MYO9A: variants seen among roughly 807,000 people sequenced by gnomAD.
MYO9A encodes the protein myosin IXA.
In MYO9A, 103 loss-of-function variants were observed where a neutral mutation model predicts 293.3. The ratio of observed to expected loss-of-function variants is 0.35; its 90% CI spans 0.30 to 0.41. The LOEUF (loss-of-function observed/expected upper bound fraction) is 0.41, where lower values mean the gene tolerates loss of function less well. MYO9A is among the 10% of genes least tolerant of loss of function. MYO9A has a pLI of 1.00. For missense variants in MYO9A, 2,685 were observed against 3,033.0 expected (o/e 0.89, Z 2.69); for synonymous variants, 1,001 against 1,035.7 (o/e 0.97, Z 0.64).
Position 72,094,947 on chromosome 15 carries a change from G to C in MYO9A, c.-72+22733C>G, listed in dbSNP as rs1226304959. Among the ~76,000 whole-genome samples the C allele has an allele frequency of 5.5e-5, 5 of 91,544 alleles. 1 individual carries two copies. Among genetic ancestry groups the C allele is most frequent in the African/African-American group, 1.3e-4 (5 of 38,826 alleles). The allele number at this position is 91,544 out of a possible 152,430, so 60.1% of individuals were successfully genotyped here. A position where few individuals can be genotyped will look rare whatever the true frequency, so the allele number is the denominator to read the frequency against. ...AACTTAATCAATCAATGTTATGTGT[G>C]TTCTGACTGCTCCATCGACCAGCTG... On this transcript the variant is annotated intron_variant, in intron 1 of 41. Transcript: ENST00000356056.
intron 15 of MYO9A, among the ~76,000 whole-genome samples, chr15:71,940,292 C>T (rs927696217): frequency 5.3e-5 from 8 of 152,134 alleles, no homozygotes; most frequent in Non-Finnish European, 1.0e-4. Flanking sequence ...CCCGAGAGTT[C>T]AGGACAAGCC....
chr15:71,861,855 C>T (rs1004511689), intron 33 of MYO9A, among the ~76,000 whole-genome samples: 1 of 152,076 alleles, frequency 6.6e-6, no homozygotes, highest in Non-Finnish European at 1.5e-5. Flanking sequence ...GCTGGAGGGG[C>T]GGGCGCAGTG....
At chr15:71,929,421 T>C (rs191331842) in intron 18 of MYO9A, among the ~76,000 whole-genome samples, 3 of 152,318 alleles carry the variant, frequency 2.0e-5, no homozygotes, top group Non-Finnish European at 1.5e-5. Context: ...TAATGTCAGC[T>C]GTGGGCTTGT....
Position 71,894,911 on chromosome 15 carries a change from T to C in MYO9A, c.5043-1133A>G, listed in dbSNP as rs1196319684. Among the ~76,000 whole-genome samples, 4 of 152,326 alleles carry C rather than the reference T, an allele frequency of 2.6e-5. No homozygotes were observed. The South Asian group carries it at 6.2e-4, about 24-fold the overall frequency. ...AGAACTGTAAGCTCCTTGAGAATCATATCTTACTTCCAAGGATAGTGCTAG... is the reference window on the plus strand; with the variant it reads ...AGAACTGTAAGCTCCTTGAGAATCACATCTTACTTCCAAGGATAGTGCTAG... On this transcript the variant is annotated intron_variant, in intron 25 of 41. Coordinates refer to ENST00000356056, the MANE Select transcript of MYO9A (RefSeq NM_006901.4).
chr15:72,082,805 G>GT (rs2079591354), intron 1 of MYO9A, among the ~76,000 whole-genome samples: 1 of 150,584 alleles, frequency 6.6e-6, no homozygotes. Context: ...TTTTTTAGTT[G>GT]TTTATGTGAC....
At chr15:72,030,837 C>G (rs1353410883) in intron 3 of MYO9A, among the ~76,000 whole-genome samples, 1 of 152,134 alleles carries the variant, frequency 6.6e-6, no homozygotes, top group Non-Finnish European at 1.5e-5. Flanking sequence ...CCTATACATA[C>G]ATACCTATGA....
chr15:71,937,555 T>G (rs2058673558), intron 16 of MYO9A, among the ~76,000 whole-genome samples: 1 of 152,162 alleles, frequency 6.6e-6, no homozygotes, highest in African/African-American at 2.4e-5. Flanking sequence ...TATTGCACAA[T>G]TGACAGACTA....
intron 18 of MYO9A, among the ~76,000 whole-genome samples, chr15:71,919,481 A>G (rs995069591): frequency 6.6e-6 from 1 of 151,840 alleles, no homozygotes; most frequent in Non-Finnish European, 1.5e-5. Flanking sequence ...CTCCCAAAGG[A>G]TTCTAACTGT....
At chr15:72,065,212 A>T (rs1258334379) in intron 1 of MYO9A, among the ~76,000 whole-genome samples, 1 of 152,184 alleles carries the variant, frequency 6.6e-6, no homozygotes, top group Non-Finnish European at 1.5e-5. Flanking sequence ...TCTAGAATAG[A>T]TCAAATGAGA....
In MYO9A at chr15:71,826,493, C is replaced by CTATTGTGGACGAGGTGATG; in HGVS notation, c.*68_*86dup. 1 of 1,259,796 alleles carries CTATTGTGGACGAGGTGATG rather than the reference C, an allele frequency of 7.9e-7. No individual in the cohort carries two copies. Among genetic ancestry groups the CTATTGTGGACGAGGTGATG allele is most frequent in the Admixed American group, 2.3e-5 (1 of 43,158 alleles). The allele number at this position is 1,259,796 out of a possible 1,614,324, so 78.0% of individuals were successfully genotyped here. A position where few individuals can be genotyped will look rare whatever the true frequency, so the allele number is the denominator to read the frequency against. On this transcript the variant is annotated 3_prime_UTR_variant, in exon 42 of 42. Coordinates refer to ENST00000356056, the MANE Select transcript of MYO9A (RefSeq NM_006901.4). Reference sequence around the variant, plus strand: ...GAGGCAGGACCACAATTAGGATTGACTATTGTGGACGAGGTGATGAAACGC... The same window carrying CTATTGTGGACGAGGTGATG: ...GAGGCAGGACCACAATTAGGATTGACTATTGTGGACGAGGTGATGTATTGTGGACGAGGTGATGAAACGC...
chr15:71,848,350 C>T (rs1212496675), intron 39 of MYO9A, among the ~76,000 whole-genome samples: 3 of 151,990 alleles, frequency 2.0e-5, no homozygotes, highest in African/African-American at 7.2e-5. Context: ...ACCCTAAACT[C>T]AAAGAAATAC....
chr15:71,922,981 G>A (rs1479702017), intron 18 of MYO9A, among the ~76,000 whole-genome samples: 1 of 152,072 alleles, frequency 6.6e-6, no homozygotes, highest in Non-Finnish European at 1.5e-5. Context: ...CAGAAGAAAA[G>A]CTTTCCATTT....
intron 23 of MYO9A, among the ~76,000 whole-genome samples, chr15:71,900,583 C>A (rs889104982): frequency 1.3e-5 from 2 of 152,036 alleles, no homozygotes; most frequent in African/African-American, 4.8e-5. Context: ...AATTACAGAA[C>A]CTAATTTAAA....
chr15:71,881,683 C>T (rs997820188), intron 28 of MYO9A, among the ~76,000 whole-genome samples: 7 of 152,112 alleles, frequency 4.6e-5, no homozygotes. Context: ...TACCTTAATA[C>T]ATTTTTTCCA....
chr15:72,096,687 C>A (rs2080074799), intron 1 of MYO9A, among the ~76,000 whole-genome samples: 1 of 152,174 alleles, frequency 6.6e-6, no homozygotes, highest in Non-Finnish European at 1.5e-5. Flanking sequence ...GACAGTGATT[C>A]CCCTTATGGA....
At chr15:71,834,393 A>C (rs2054853148) in intron 39 of MYO9A, among the ~76,000 whole-genome samples, 1 of 152,190 alleles carries the variant, frequency 6.6e-6, no homozygotes, top group Admixed American at 6.5e-5. Flanking sequence ...AAATTCTTCC[A>C]CAGAATTAAA....
chr15:71,851,874 G>GTCTT (rs1312904841), intron 36 of MYO9A, among the ~76,000 whole-genome samples: 2 of 152,082 alleles, frequency 1.3e-5, no homozygotes, highest in Non-Finnish European at 2.9e-5. Context: ...TATAACCCCA[G>GTCTT]TCTTTCCATT....
intron 21 of MYO9A, 79 bp from the exon 22 acceptor site, chr15:71,903,142 T>G: frequency 8.4e-7 from 1 of 1,192,948 alleles, no homozygotes; most frequent in Non-Finnish European, 1.2e-6. Flanking sequence ...ATCATTCTAT[T>G]AATCTTTTCT....
intron 1 of MYO9A, chr15:72,116,714 ATAC>A (rs965081149): frequency 5.4e-4 from 82 of 152,380 alleles, no homozygotes; most frequent in African/African-American, 1.9e-3. Flanking sequence ...AGGTGAAGTA[ATAC>A]TACAAGACGA....
Sources: allele counts gnomAD v4.1 joint callset (sites outside exome capture counted in the v4.1 genomes callset), GRCh38; gene constraint gnomAD v4.1.1; transcripts MANE v1.5; gene names NCBI Gene and HGNC (gene_info 2026-07-23, HGNC 2026-07-21).